The following ARAP2 variants were observed in gnomAD, a reference collection of about 807,000 sequenced individuals.
The protein encoded by ARAP2 is ArfGAP with RhoGAP domain, ankyrin repeat and PH domain 2, also known as arf-GAP with Rho-GAP domain, ANK repeat and PH domain-containing protein 2.
ARAP2 carries 148 observed loss-of-function variants against 194.5 expected under a neutral mutation model. The ratio of observed to expected loss-of-function variants is 0.76; its 90% CI spans 0.67 to 0.87. The LOEUF (loss-of-function observed/expected upper bound fraction) is 0.87. Ranked by LOEUF, ARAP2 falls within the 40% of genes least tolerant of loss-of-function variation. ARAP2 has a pLI of 0.00. For synonymous variants in ARAP2, 695 were observed against 683.5 expected (o/e 1.02, Z -0.26); for missense variants, 2,128 against 1,989.7 (o/e 1.07, Z -1.32).
At chr4:36,095,379 G>T (rs1216407869) in intron 27 of ARAP2, among the ~76,000 whole-genome samples, 6 of 152,074 alleles carry the variant, frequency 3.9e-5, no homozygotes, top group Non-Finnish European at 7.4e-5. Context: ...GATAATTTTT[G>T]ATCTGGTTTT....
chr4:36,069,055 T>G lies in ARAP2; in HGVS notation c.4744-777A>C, dbSNP rs755271221. On this transcript the variant is annotated intron_variant, in intron 32 of 32. Coordinates refer to ENST00000303965, the MANE Select transcript of ARAP2 (RefSeq NM_015230.4). ...TTTTTTTTCCTTTTGTTTAATTAGT[T>G]CACTGAAGTGTGAGCCTTGTACACA... Among the ~76,000 whole-genome samples the G allele has an allele frequency of 2.0e-5, 3 of 152,154 alleles. 1 individual carries two copies. Among genetic ancestry groups the G allele is most frequent in the Admixed American group, 2.0e-4 (3 of 15,254 alleles).
chr4:36,234,992 T>C (rs1419022815), intron 1 of ARAP2, among the ~76,000 whole-genome samples: 1 of 152,134 alleles, frequency 6.6e-6, no homozygotes, highest in African/African-American at 2.4e-5. Flanking sequence ...AAAAGGGAAG[T>C]AACATTTAGG....
exon 8 of ARAP2, chr4:36,015,631 A>G (rs1287120893): frequency 6.6e-6 from 1 of 152,208 alleles, no homozygotes; most frequent in African/African-American, 2.4e-5. Context: ...AGAAGACAAA[A>G]TCTGCAAGGT....
At chr4:36,053,115 C>T (rs1210860727) in intron 2 of ARAP2, among the ~76,000 whole-genome samples, 1 of 151,916 alleles carries the variant, frequency 6.6e-6, no homozygotes, top group Non-Finnish European at 1.5e-5. Context: ...TCAAGCGATT[C>T]TCTGCCTCAG....
chr4:36,097,441 G>A (rs964668743), intron 27 of ARAP2, among the ~76,000 whole-genome samples: 1 of 151,988 alleles, frequency 6.6e-6, no homozygotes, highest in Non-Finnish European at 1.5e-5. Flanking sequence ...CACACGTTGG[G>A]GTACACTGTG....
intron 7 of ARAP2, among the ~76,000 whole-genome samples, chr4:36,190,938 A>G (rs1006072899): frequency 6.6e-6 from 1 of 152,236 alleles, no homozygotes; most frequent in Non-Finnish European, 1.5e-5. Context: ...TGGCAATACA[A>G]GGCCAAAACT....
chr4:36,041,828 T>C (rs996506909), intron 5 of ARAP2, among the ~76,000 whole-genome samples: 18 of 152,150 alleles, frequency 1.2e-4, no homozygotes, highest in African/African-American at 4.3e-4. Context: ...ATACACCATG[T>C]AATACTATGC....
At chr4:36,075,250 G>A (rs1398909242) in intron 31 of ARAP2, among the ~76,000 whole-genome samples, 9 of 152,152 alleles carry the variant, frequency 5.9e-5, no homozygotes, top group Admixed American at 2.0e-4. Context: ...GAGCAAATGC[G>A]GTTCCCAAAT....
chr4:36,215,342 AGAG>A (rs1317623542), intron 2 of ARAP2, among the ~76,000 whole-genome samples: 4 of 152,220 alleles, frequency 2.6e-5, no homozygotes. Context: ...CGGTGGAAAA[AGAG>A]TAGCCCTTTC....
At chr4:36,145,236 T>C (rs566918969) in intron 19 of ARAP2, among the ~76,000 whole-genome samples, 4 of 152,110 alleles carry the variant, frequency 2.6e-5, no homozygotes, top group Admixed American at 2.6e-4. Flanking sequence ...CTCATATGTT[T>C]ATCACAGCAC....
rs1223231937 is a variant in ARAP2, at chr4:36,244,487, C to G, written c.-468G>C. On this transcript the variant is annotated 5_prime_UTR_variant, in exon 1 of 33. Coordinates refer to ENST00000303965, the MANE Select transcript of ARAP2 (RefSeq NM_015230.4). ...CGCCCGCGCCTTGCTCAGGTGCTCC[C>G]GCGCCTCGCCTCGGCCGCCGCTTCC... is the stretch of plus-strand genomic sequence containing the variant. The G allele has an allele frequency of 1.3e-4, 20 of 151,196 alleles. 1 individual carries two copies. In the South Asian group the frequency reaches 2.5e-3, roughly 19 times the overall value. The allele number at this position is 151,196 out of a possible 1,614,324, so 9.4% of individuals were successfully genotyped here.
intron 1 of ARAP2, among the ~76,000 whole-genome samples, chr4:36,242,226 TAAG>T (rs1477568836): frequency 6.6e-6 from 1 of 152,180 alleles, no homozygotes; most frequent in Non-Finnish European, 1.5e-5. Flanking sequence ...CCCAGATTAT[TAAG>T]AAGTTCTCTA....
chr4:36,119,649 C>G lies in ARAP2; in HGVS notation c.3963+1G>C. 1 of 1,592,638 alleles carries G rather than the reference C, an allele frequency of 6.3e-7. No homozygotes were observed. The highest frequency in any genetic ancestry group is 1.1e-5 in the South Asian group (1 of 90,286). On this transcript the variant is annotated splice_donor_variant, in intron 24 of 32. Transcript: ENST00000303965. LOFTEE classifies it high-confidence loss of function. ...TTAGAGATCTAACTATTACTACTCACTTGGGTGTCTTTCCACTTGGTAATA... is the reference window on the plus strand; with the variant it reads ...TTAGAGATCTAACTATTACTACTCAGTTGGGTGTCTTTCCACTTGGTAATA...
At chr4:36,222,709 G>T (rs1749443786) in intron 2 of ARAP2, among the ~76,000 whole-genome samples, 1 of 151,050 alleles carries the variant, frequency 6.6e-6, no homozygotes, top group Non-Finnish European at 1.5e-5. Context: ...TAAAGTCTGG[G>T]TCCACTATGG....
At chr4:36,056,565 G>T (rs1723550905) in intron 2 of ARAP2, among the ~76,000 whole-genome samples, 1 of 152,074 alleles carries the variant, frequency 6.6e-6, no homozygotes, top group African/African-American at 2.4e-5. Context: ...GTGTGTCTCT[G>T]AGAACCAGAA....
chr4:36,073,822 T>C lies in ARAP2; in HGVS notation c.4610A>G (p.His1537Arg), dbSNP rs542690465. 6 of 1,612,716 alleles carry C rather than the reference T, an allele frequency of 3.7e-6. No homozygotes were observed. Among genetic ancestry groups the C allele is most frequent in the Admixed American group, 3.3e-5 (2 of 59,960 alleles). ...EWMTSIFIAQHEYDIWPPAGK... is the reference protein window; with the variant it reads ...EWMTSIFIAQREYDIWPPAGK... The stretch of plus-strand genomic sequence containing the variant: ...AGCTGGTGGCCATATATCATATTCA[T>C]GCTGTGGAAACACAATTTCTTGCTG... Residue 1537 changes from histidine (H) to arginine (R), a missense_variant and splice_region_variant, in exon 32 of 33, where the codon CAT (histidine) becomes CGT (arginine). His to Arg is a conservative substitution (Grantham distance 29). Transcript: ENST00000303965.
At chr4:36,106,469 T>G (rs972851425) in intron 27 of ARAP2, among the ~76,000 whole-genome samples, 1 of 134,338 alleles carries the variant, frequency 7.4e-6, no homozygotes, top group Non-Finnish European at 1.7e-5. Flanking sequence ...AGTAAAAGTA[T>G]GTAAGATATA....
chr4:36,015,321 G>A (rs998492449), intron 8 of ARAP2: 4 of 152,182 alleles, frequency 2.6e-5, no homozygotes, highest in Admixed American at 2.0e-4. Context: ...AGTTTATTGA[G>A]TAATTTTATG....
chr4:36,238,154 A>G (rs555851981), intron 1 of ARAP2, among the ~76,000 whole-genome samples: 135 of 152,210 alleles, frequency 8.9e-4, no homozygotes, highest in Non-Finnish European at 1.5e-3. Context: ...AGTTCCCTCA[A>G]TGTGGTCATC....
Sources: gnomAD v4.1 joint callset for allele counts (sites outside exome capture counted in the v4.1 genomes callset) on GRCh38, gnomAD v4.1.1 for gene constraint, MANE v1.5 for transcripts, NCBI Gene and HGNC (gene_info 2026-07-23, HGNC 2026-07-21) for gene names.